The following KLHDC1 variants were observed in gnomAD, a reference collection of about 807,000 sequenced individuals.
KLHDC1 encodes the protein kelch domain containing 1.
A neutral mutation model predicts 68.3 loss-of-function variants in KLHDC1; 53 were observed. The observed-to-expected ratio is 0.78, with a 90% CI of 0.62 to 0.98. The LOEUF (loss-of-function observed/expected upper bound fraction) is 0.98, where lower values mean the gene tolerates loss of function less well. KLHDC1 is among the 50% of genes least tolerant of loss of function. The pLI, the probability that KLHDC1 is intolerant of heterozygous loss-of-function variation, is 0.00. For missense variants in KLHDC1, 470 were observed against 492.3 expected (o/e 0.95, Z 0.43); for synonymous variants, 148 against 159.0 (o/e 0.93, Z 0.52).
At chr14:49,726,703 C>G (rs1251512473) in intron 6 of KLHDC1, among the ~76,000 whole-genome samples, 1 of 152,148 alleles carries the variant, frequency 6.6e-6, no homozygotes, top group Non-Finnish European at 1.5e-5. Context: ...TCTCACATAG[C>G]TGGAAATCAT....
intron 1 of KLHDC1, among the ~76,000 whole-genome samples, chr14:49,705,101 A>T (rs1409498371): frequency 6.6e-6 from 1 of 152,154 alleles, no homozygotes; most frequent in Non-Finnish European, 1.5e-5. Context: ...GATTCCCAAA[A>T]AAGGAGGAGT....
At chr14:49,722,341 C>T (rs1888549496) in intron 4 of KLHDC1, among the ~76,000 whole-genome samples, 1 of 152,150 alleles carries the variant, frequency 6.6e-6, no homozygotes, top group Admixed American at 6.5e-5. Context: ...GTTCAGTTCC[C>T]ACCTATGAGT....
chr14:49,739,685 A>G (rs1184288428), intron 10 of KLHDC1, among the ~76,000 whole-genome samples: 1 of 152,332 alleles, frequency 6.6e-6, no homozygotes, highest in African/African-American at 2.4e-5. Context: ...TTTTTAATTT[A>G]TTTCACTGCA....
intron 12 of KLHDC1, among the ~76,000 whole-genome samples, chr14:49,750,375 T>G (rs1196672610): frequency 1.3e-5 from 2 of 152,248 alleles, no homozygotes; most frequent in Non-Finnish European, 2.9e-5. Context: ...CCTCAAGGTC[T>G]CAGCTTGGAC....
chr14:49,707,293 T>TGA (rs1248112931), intron 1 of KLHDC1, among the ~76,000 whole-genome samples: 209 of 139,720 alleles, frequency 1.5e-3, no homozygotes, highest in Non-Finnish European at 1.9e-3. Flanking sequence ...TGTGTGTGTG[T>TGA]GTGTGAGAGA....
In KLHDC1 at chr14:49,751,693, C is replaced by T; in HGVS notation, c.1142C>T (p.Ala381Val). 1.2e-6 allele frequency: 2 copies of T among 1,606,880 alleles called. No individual in the cohort carries two copies. Among genetic ancestry groups the T allele is most frequent in the Non-Finnish European group, 1.7e-6 (2 of 1,175,602 alleles). The change falls in exon 13 of 13, where the codon GCT becomes GTT. Residue 381 changes from alanine (A) to valine (V), a missense_variant. Coordinates refer to ENST00000359332, the MANE Select transcript of KLHDC1 (RefSeq NM_172193.3). ...GTACTCAAAAAAATAACATTTTGGG[C>T]TGCAGCTAATCACCGAGAAGAACAA... Reference protein sequence around the residue: ...QQVLKKITFWAAANHREEQRV... With the variant: ...QQVLKKITFWVAANHREEQRV...
chr14:49,735,469 T>G (rs1346002402), intron 10 of KLHDC1, among the ~76,000 whole-genome samples: 1 of 152,128 alleles, frequency 6.6e-6, no homozygotes, highest in Non-Finnish European at 1.5e-5. Context: ...CCTGAAAATA[T>G]TTATATTTAT....
At chr14:49,741,434 T>A (rs1366594799) in intron 11 of KLHDC1, among the ~76,000 whole-genome samples, 5 of 152,030 alleles carry the variant, frequency 3.3e-5, no homozygotes, top group South Asian at 2.1e-4. Context: ...GCCTCCCAAG[T>A]AGCTGGGATT....
chr14:49,712,266 T>C (rs1386016264), intron 4 of KLHDC1, among the ~76,000 whole-genome samples: 2 of 152,156 alleles, frequency 1.3e-5, no homozygotes, highest in East Asian at 3.9e-4. Flanking sequence ...GATTTCCTTT[T>C]GGTCTTTTTT....
Position 49,729,516 on chromosome 14 carries a change from T to C in KLHDC1, c.678T>C (p.Tyr226=). The part of the protein sequence containing the change: ...VLQTRMNDLH[Y]LNLDTWTWSG... ...AAACTAGGATGAATGATTTGCACTA[T>C]CTAAACCTAGACACCTGGACTTGGT... is the stretch of plus-strand genomic sequence containing the variant. The change falls in exon 8 of 13, where the codon TAT becomes TAC. Residue 226 remains tyrosine (Y), a synonymous_variant. Coordinates refer to ENST00000359332, the MANE Select transcript of KLHDC1 (RefSeq NM_172193.3). The C allele has an allele frequency of 6.2e-7, 1 of 1,611,208 alleles. No individual in the cohort carries two copies. Among genetic ancestry groups the C allele is most frequent in the East Asian group, 2.2e-5 (1 of 44,754 alleles).
chr14:49,746,214 G>A (rs1273854168), intron 12 of KLHDC1, among the ~76,000 whole-genome samples: 1 of 152,176 alleles, frequency 6.6e-6, no homozygotes, highest in Non-Finnish European at 1.5e-5. Context: ...GGTTTTGGAC[G>A]TGCTAAGTGT....
At chr14:49,698,296 T>C (rs1476849353) in intron 1 of KLHDC1, among the ~76,000 whole-genome samples, 2 of 151,924 alleles carry the variant, frequency 1.3e-5, no homozygotes, top group Admixed American at 6.6e-5. Context: ...CTCCGCCTCC[T>C]AGGTTCAAAA....
intron 10 of KLHDC1, among the ~76,000 whole-genome samples, chr14:49,736,637 G>A (rs1888935959): frequency 6.6e-6 from 1 of 152,186 alleles, no homozygotes; most frequent in African/African-American, 2.4e-5. Flanking sequence ...AATTTGAAAT[G>A]TAAGCTGCCC....
intron 1 of KLHDC1, among the ~76,000 whole-genome samples, chr14:49,704,998 A>C (rs984049035): frequency 7.2e-5 from 11 of 152,130 alleles, no homozygotes; most frequent in African/African-American, 2.7e-4. Context: ...AAAGAACTTC[A>C]AAGGGAAAGT....
intron 6 of KLHDC1, among the ~76,000 whole-genome samples, chr14:49,726,022 A>G (rs1248502812): frequency 6.6e-6 from 1 of 151,852 alleles, no homozygotes; most frequent in Non-Finnish European, 1.5e-5. Flanking sequence ...TAATTTTTGT[A>G]TTTTTAGTAG....
chr14:49,720,453 C>T (rs1888497832), intron 4 of KLHDC1, among the ~76,000 whole-genome samples: 1 of 152,066 alleles, frequency 6.6e-6, no homozygotes. Context: ...AATTTACTCT[C>T]ATTTGTGTTT....
chr14:49,727,477 C>T (rs1389930604), intron 6 of KLHDC1, among the ~76,000 whole-genome samples: 1 of 152,130 alleles, frequency 6.6e-6, no homozygotes, highest in East Asian at 1.9e-4. Context: ...TACTAATACA[C>T]ATATATGACC....
rs956542253 is a variant in KLHDC1 at position 49,748,759 on chromosome 14, T to C, written c.1035-2827T>C. 2.0e-5 allele frequency among the ~76,000 whole-genome samples: 3 copies of C among 151,798 alleles called. No individual in the cohort carries two copies. In the East Asian group the frequency reaches 5.8e-4, roughly 29 times the overall value. ...TGTATTAGTAAAATTATAAAAATTGTACATGTATATATATGTATATATATA... is the reference window on the plus strand; with the variant it reads ...TGTATTAGTAAAATTATAAAAATTGCACATGTATATATATGTATATATATA... On this transcript the variant is annotated intron_variant, in intron 12 of 12. Transcript: ENST00000359332.
intron 4 of KLHDC1, among the ~76,000 whole-genome samples, chr14:49,711,570 C>T (rs2139739949): frequency 6.6e-6 from 1 of 151,958 alleles, no homozygotes; most frequent in East Asian, 1.9e-4. Context: ...GAACTCCTGA[C>T]CTTGTGATTT....
Sources: allele counts gnomAD v4.1 joint callset (sites outside exome capture counted in the v4.1 genomes callset), GRCh38; gene constraint gnomAD v4.1.1; transcripts MANE v1.5; gene names NCBI Gene and HGNC (gene_info 2026-07-23, HGNC 2026-07-21).